Variants in NUDT2 observed in about 807,000 individuals in gnomAD.
NUDT2 encodes the protein nudix hydrolase 2, also known as bis(5'-nucleosyl)-tetraphosphatase [asymmetrical].
A neutral mutation model predicts 14.2 loss-of-function variants in NUDT2; 12 were observed. That is an observed-to-expected ratio of 0.84 (90% CI 0.54 to 1.37). The LOEUF (loss-of-function observed/expected upper bound fraction) is 1.37, where lower values mean the gene tolerates loss of function less well. Among genes scored for constraint, NUDT2 ranks in the 40% most tolerant of loss-of-function variants. The probability of loss-of-function intolerance (pLI) is 0.00; values close to 1 mark genes in which losing one functional copy is unlikely to be tolerated. For missense variants in NUDT2, 167 were observed against 176.7 expected, an observed-to-expected ratio of 0.95 and a Z score of 0.31; for synonymous variants, 67 against 67.4, an observed-to-expected ratio of 0.99 and a Z score of 0.03.
At chr9:34,339,629 G>A (rs1838184324) in intron 4 of NUDT2, among the ~76,000 whole-genome samples, 1 of 152,152 alleles carries the variant, frequency 6.6e-6, no homozygotes, top group South Asian at 2.1e-4. Flanking sequence ...GATTGCTTGA[G>A]CCCAGGAGCT....
At chr9:34,338,422 T>G (rs1162132348) in intron 2 of NUDT2, among the ~76,000 whole-genome samples, 19 of 146,900 alleles carry the variant, frequency 1.3e-4, no homozygotes, top group Admixed American at 3.5e-4. Flanking sequence ...GTGGGAGGTT[T>G]GCTTGAGCCT....
intron 2 of NUDT2, among the ~76,000 whole-genome samples, chr9:34,336,880 A>G (rs993835900): frequency 6.6e-6 from 1 of 151,018 alleles, no homozygotes; most frequent in Non-Finnish European, 1.5e-5. Context: ...ATGCTATTTC[A>G]TCATATAGAT....
intron 4 of NUDT2, among the ~76,000 whole-genome samples, chr9:34,342,126 G>A (rs985719599): frequency 1.3e-5 from 2 of 152,188 alleles, no homozygotes; most frequent in East Asian, 3.8e-4. Flanking sequence ...TTGGGTTTGG[G>A]TGTTGCTAAC....
At chr9:34,338,327 T>TAAAAAAAAA (rs61594121) in intron 2 of NUDT2, among the ~76,000 whole-genome samples, 532 of 33,718 alleles carry the variant, frequency 0.016, 56 homozygotes, top group African/African-American at 0.037. Context: ...ACCCTGTCTC[T>TAAAAAAAAA]AAAAAAAAAA....
Position 34,329,571 on chromosome 9 carries a change from G to C in NUDT2, c.-293G>C, listed in dbSNP as rs1188388245. The stretch of plus-strand genomic sequence containing the variant: ...CCGGTGTACTTCAGTTTCCGTCCAA[G>C]GTCCGCCTCCTACCTCCTTCTGCTT... On this transcript the variant is annotated 5_prime_UTR_variant, in exon 1 of 5. Transcript: ENST00000379158. 1 of 152,262 alleles carries C rather than the reference G, an allele frequency of 6.6e-6. No homozygotes were observed. Among genetic ancestry groups the C allele is most frequent in the Non-Finnish European group, 1.5e-5 (1 of 68,120 alleles). The allele number at this position is 152,262 out of a possible 1,614,324, so 9.4% of individuals were successfully genotyped here. A position where few individuals can be genotyped will look rare whatever the true frequency, so the allele number is the denominator to read the frequency against.
intron 1 of NUDT2, among the ~76,000 whole-genome samples, chr9:34,333,644 CAAAAAAAAAAAAAA>C (rs34830977): frequency 1.1e-4 from 5 of 47,102 alleles, no homozygotes; most frequent in Non-Finnish European, 1.4e-4. Flanking sequence ...GAGACATTGT[CAAAAAAAAAAAAAA>C]AAAAAAAAAA....
intron 4 of NUDT2, among the ~76,000 whole-genome samples, chr9:34,339,726 CCAGCTACT>C (rs1407113307): frequency 3.3e-5 from 5 of 151,952 alleles, no homozygotes; most frequent in African/African-American, 9.7e-5. Context: ...ACCTGTAGTC[CCAGCTACT>C]CAGGAGGCTG....
At position 34,339,161 on chromosome 9, in the gene NUDT2, C is replaced by T. The variant is rs1454383272; in HGVS notation, c.122C>T (p.Pro41Leu). 2.5e-6 allele frequency: 4 copies of T among 1,613,238 alleles called. No individual in the cohort carries two copies. Among genetic ancestry groups the T allele is most frequent in the Non-Finnish European group, 3.4e-6 (4 of 1,179,294 alleles). The change falls in exon 4 of 5, where the codon CCC becomes CTC. Residue 41 changes from proline (P) to leucine (L), a missense_variant. Physicochemically the swap from Pro to Leu is moderately conservative, Grantham distance 98 (BLOSUM62 -3). Coordinates refer to ENST00000379158, the MANE Select transcript of NUDT2 (RefSeq NM_001161.5). ...GATGGCATTCATCACTGGACTCCTC[C>T]CAAAGGTAGAGGCCAGAGGGGCCAG... ...ASDGIHHWTPPKGHVEPGEDD... is the reference protein window; with the variant it reads ...ASDGIHHWTPLKGHVEPGEDD...
intron 1 of NUDT2, among the ~76,000 whole-genome samples, chr9:34,335,834 C>T (rs1262046369): frequency 1.3e-5 from 2 of 152,152 alleles, no homozygotes; most frequent in African/African-American, 2.4e-5. Flanking sequence ...TGTCACTACC[C>T]TAAGATTCCT....
chr9:34,340,707 A>C (rs1013584703), intron 4 of NUDT2, among the ~76,000 whole-genome samples: 1 of 152,204 alleles, frequency 6.6e-6, no homozygotes, highest in Non-Finnish European at 1.5e-5. Flanking sequence ...AATGGGAAAA[A>C]GGAGCCCTTC....
chr9:34,331,651 T>C (rs1178512500), intron 1 of NUDT2, among the ~76,000 whole-genome samples: 1 of 152,176 alleles, frequency 6.6e-6, no homozygotes, highest in Non-Finnish European at 1.5e-5. Flanking sequence ...ACCGTGGTCT[T>C]GGTAGAGAAG....
chr9:34,331,698 A>T (rs1837942706), intron 1 of NUDT2, among the ~76,000 whole-genome samples: 1 of 152,246 alleles, frequency 6.6e-6, no homozygotes, highest in South Asian at 2.1e-4. Context: ...AAATAATTTT[A>T]AAAAAGTAAA....
At chr9:34,330,971 A>G (rs566192150) in intron 1 of NUDT2, among the ~76,000 whole-genome samples, 3 of 152,080 alleles carry the variant, frequency 2.0e-5, no homozygotes, top group African/African-American at 7.3e-5. Context: ...AAAAAAAAAA[A>G]GGTAGCTATT....
chr9:34,337,834 G>T (rs372674113), intron 2 of NUDT2, among the ~76,000 whole-genome samples: 7 of 152,134 alleles, frequency 4.6e-5, no homozygotes, highest in East Asian at 1.9e-4. Flanking sequence ...GGAGGCTAAG[G>T]GGGGAGGACC....
chr9:34,330,688 G>C (rs552563394), intron 1 of NUDT2, among the ~76,000 whole-genome samples: 2 of 152,212 alleles, frequency 1.3e-5, no homozygotes, highest in African/African-American at 4.8e-5. Flanking sequence ...GCGGCCGGGC[G>C]CGGTGGCTCA....
chr9:34,335,467 T>A (rs1031651047), intron 1 of NUDT2, among the ~76,000 whole-genome samples: 2 of 152,214 alleles, frequency 1.3e-5, no homozygotes, highest in African/African-American at 4.8e-5. Flanking sequence ...GAACTTTAAA[T>A]TTGTTCAAGC....
At chr9:34,335,942 A>C (rs187673659) in intron 1 of NUDT2, among the ~76,000 whole-genome samples, 42 of 151,890 alleles carry the variant, frequency 2.8e-4, no homozygotes, top group African/African-American at 1.0e-3. Context: ...TTGCTTGTCC[A>C]TGTTGTGTTG....
rs1174267160 is a variant in NUDT2 at position 34,343,382 on chromosome 9, A to G, written c.386A>G (p.Lys129Arg). ...GAGGCCTGCCAGTTGGCTCAGTTCA[A>G]GGAGATGAAGGCAGCGCTCCAAGAA... Reference protein sequence around the residue: ...LEEACQLAQFKEMKAALQEGH... With the variant: ...LEEACQLAQFREMKAALQEGH... The change falls in exon 5 of 5, where the codon AAG (lysine) becomes AGG (arginine). Residue 129 changes from lysine to arginine, a missense_variant. By Grantham distance (26) the Lys-to-Arg change is conservative. Transcript: ENST00000379158. 6.2e-7 allele frequency: 1 copy of G among 1,613,462 alleles called. No homozygotes were observed. The highest frequency in any genetic ancestry group is 2.2e-5 in the East Asian group (1 of 44,836).
At chr9:34,336,708 A>AT (rs1350718670) in intron 2 of NUDT2, among the ~76,000 whole-genome samples, 1 of 151,190 alleles carries the variant, frequency 6.6e-6, no homozygotes, top group Admixed American at 6.6e-5. Flanking sequence ...TACCTGGCTA[A>AT]TTTTTTTTCT....
Sources: allele counts gnomAD v4.1 joint callset (sites outside exome capture counted in the v4.1 genomes callset), GRCh38; gene constraint gnomAD v4.1.1; transcripts MANE v1.5; gene names NCBI Gene and HGNC (gene_info 2026-07-23, HGNC 2026-07-21).